Variants in GRIP1 observed in about 807,000 individuals in gnomAD.
The protein encoded by GRIP1 is glutamate receptor interacting protein 1, also known as glutamate receptor-interacting protein 1.
In GRIP1, 45 loss-of-function variants were observed where a neutral mutation model predicts 129.9. That is an observed-to-expected ratio of 0.35 (90% CI 0.27 to 0.44). The LOEUF (loss-of-function observed/expected upper bound fraction) is 0.44, where lower values mean the gene tolerates loss of function less well. Ranked by LOEUF, GRIP1 falls within the 20% of genes least tolerant of loss-of-function variation. The pLI is 1.00. For synonymous variants in GRIP1, 530 were observed against 520.8 expected (o/e 1.02, Z -0.24); for missense variants, 1,196 against 1,396.8 (o/e 0.86, Z 2.29).
At chr12:66,825,521 C>T (rs1377867274) in intron 1 of GRIP1, among the ~76,000 whole-genome samples, 2 of 152,140 alleles carry the variant, frequency 1.3e-5, no homozygotes, top group African/African-American at 4.8e-5. Flanking sequence ...TCCTACTTTG[C>T]CCAATGACTA....
At chr12:66,872,522 C>T (rs73331145) in intron 1 of GRIP1, among the ~76,000 whole-genome samples, 6,909 of 151,932 alleles carry the variant, frequency 0.045, 538 homozygotes, top group African/African-American at 0.16. Context: ...TTTCTTTCAA[C>T]TAAAAATCTG....
intron 19 of GRIP1, among the ~76,000 whole-genome samples, chr12:66,388,338 AT>A (rs2056442651): frequency 1.3e-5 from 2 of 152,210 alleles, no homozygotes; most frequent in South Asian, 4.1e-4. Flanking sequence ...GAGAAAACAA[AT>A]GATCAAAATG....
intron 1 of GRIP1, among the ~76,000 whole-genome samples, chr12:67,067,455 C>A (rs942755583): frequency 6.6e-6 from 1 of 151,952 alleles, no homozygotes; most frequent in Non-Finnish European, 1.5e-5. Context: ...GTGCTTTTAC[C>A]TGGTTATAAA....
chr12:66,423,905 A>G (rs1197997978), intron 14 of GRIP1, among the ~76,000 whole-genome samples: 3 of 152,190 alleles, frequency 2.0e-5, no homozygotes, highest in African/African-American at 7.2e-5. Flanking sequence ...AAACTCCTTG[A>G]AATTTCAGCT....
intron 1 of GRIP1, among the ~76,000 whole-genome samples, chr12:66,700,011 A>G (rs957934124): frequency 2.1e-4 from 32 of 152,178 alleles, no homozygotes; most frequent in Middle Eastern, 3.2e-3. Flanking sequence ...ATCATGCAGC[A>G]AGGCAGGGAG....
upstream of GRIP1, among the ~76,000 whole-genome samples, chr12:66,682,914 T>C (rs1670154673): frequency 6.6e-6 from 1 of 152,202 alleles, no homozygotes; most frequent in Non-Finnish European, 1.5e-5. Flanking sequence ...ATCCCATTTA[T>C]TTGCTTATTC....
chr12:66,378,353 A>T (rs567850584), intron 20 of GRIP1, among the ~76,000 whole-genome samples: 1 of 152,300 alleles, frequency 6.6e-6, no homozygotes, highest in South Asian at 2.1e-4. Context: ...TCGGGGGTCT[A>T]AGGCAGGAGA....
chr12:66,612,536 C>T (rs1592646638), intron 1 of GRIP1, among the ~76,000 whole-genome samples: 1 of 152,194 alleles, frequency 6.6e-6, no homozygotes, highest in East Asian at 1.9e-4. Context: ...ACTTGGGAAG[C>T]TGTGGTGGGA....
intron 5 of GRIP1, among the ~76,000 whole-genome samples, chr12:66,524,378 T>C (rs2061145606): frequency 6.6e-6 from 1 of 152,050 alleles, no homozygotes; most frequent in African/African-American, 2.4e-5. Context: ...AGAAACTCAC[T>C]CAAAACCACT....
intron 14 of GRIP1, among the ~76,000 whole-genome samples, chr12:66,423,125 T>C (rs1249647067): frequency 6.6e-6 from 1 of 152,190 alleles, no homozygotes; most frequent in Admixed American, 6.5e-5. Flanking sequence ...CAATATGGTG[T>C]CATGATTGAG....
chr12:66,953,566 T>C (rs2041793864), intron 1 of GRIP1, among the ~76,000 whole-genome samples: 1 of 152,196 alleles, frequency 6.6e-6, no homozygotes, highest in Non-Finnish European at 1.5e-5. Flanking sequence ...ATCTGGAAAA[T>C]ATAAATTCTG....
chr12:66,914,851 T>C (rs181230742), intron 1 of GRIP1, among the ~76,000 whole-genome samples: 363 of 152,306 alleles, frequency 2.4e-3, no homozygotes, highest in African/African-American at 8.3e-3. Context: ...AAGCCAGGCA[T>C]GGTGGTGCAT....
chr12:66,541,902 G>A lies in GRIP1; in HGVS notation c.185C>T (p.Thr62Ile). 4 of 1,613,902 alleles carry A rather than the reference G, an allele frequency of 2.5e-6. No individual in the cohort carries two copies. The highest frequency in any genetic ancestry group is 1.7e-5 in the Admixed American group (1 of 60,026). The change falls in exon 3 of 25, where the codon ACT (threonine) becomes ATT (isoleucine). Residue 62 changes from threonine (T) to isoleucine (I), a missense_variant. By Grantham distance (89) the Thr-to-Ile change is moderately conservative. Coordinates refer to ENST00000359742, the MANE Select transcript of GRIP1 (RefSeq NM_001366722.1). ...TVVELMKKEGTTLGLTVSGGI... is the reference protein window; with the variant it reads ...TVVELMKKEGITLGLTVSGGI... ...TCCCGATACCGTCAGACCCAGGGTAGTGCCTTCCTTCTTCATCAGCTCGAC... is the reference window on the plus strand; with the variant it reads ...TCCCGATACCGTCAGACCCAGGGTAATGCCTTCCTTCTTCATCAGCTCGAC...
Position 66,463,033 on chromosome 12 carries a change from G to A in GRIP1, c.933C>T (p.Tyr311=). 6 of 1,613,688 alleles carry A rather than the reference G, an allele frequency of 3.7e-6. No homozygotes were observed. The highest frequency in any genetic ancestry group is 5.1e-6 in the Non-Finnish European group (6 of 1,179,652). The change falls in exon 9 of 25, where the codon TAC becomes TAT. Residue 311 remains tyrosine (Y), a synonymous_variant. Transcript: ENST00000359742. ...ACTGGGTTGCTTCTGCAAGTGTACA[G>A]TACTCCATGCTGGTTCCATCGATGG... ...ILSIDGTSME[Y]CTLAEATQFL...
chr12:66,524,596 C>T (rs927443463), intron 5 of GRIP1, among the ~76,000 whole-genome samples: 57 of 151,996 alleles, frequency 3.8e-4, no homozygotes, highest in African/African-American at 1.3e-3. Context: ...AAAATTGACA[C>T]CCTAACATCA....
Position 67,057,447 on chromosome 12 carries a change from A to G in GRIP1, c.58+11603T>C, listed in dbSNP as rs1003530385. ...ACCCTCCAAGAACGTAAAAAAAAAAAAAAAAAAACTCCTGTTGTTTAAGCA... is the reference window on the plus strand; with the variant it reads ...ACCCTCCAAGAACGTAAAAAAAAAAGAAAAAAAACTCCTGTTGTTTAAGCA... On this transcript the variant is annotated intron_variant, in intron 1 of 1. Transcript: ENST00000643019. Among the ~76,000 whole-genome samples the G allele has an allele frequency of 1.7e-4, 26 of 152,040 alleles. No individual in the cohort carries two copies. In the East Asian group the frequency reaches 5.0e-3, roughly 29 times the overall value.
chr12:66,811,393 T>G (rs927434594), intron 1 of GRIP1, among the ~76,000 whole-genome samples: 19 of 152,242 alleles, frequency 1.2e-4, no homozygotes, highest in Middle Eastern at 3.2e-3. Flanking sequence ...AGAGTTGGAC[T>G]AGAAAGTCTC....
At chr12:66,511,629 A>G (rs1367813266) in intron 7 of GRIP1, among the ~76,000 whole-genome samples, 2 of 152,126 alleles carry the variant, frequency 1.3e-5, no homozygotes, top group Non-Finnish European at 2.9e-5. Flanking sequence ...GCCCCAAGCT[A>G]AATCATTAAG....
intron 1 of GRIP1, among the ~76,000 whole-genome samples, chr12:66,968,294 T>C (rs2042025152): frequency 6.6e-6 from 1 of 152,198 alleles, no homozygotes; most frequent in Non-Finnish European, 1.5e-5. Context: ...GTTAACATAC[T>C]GTATAATTCT....
Sources: allele counts gnomAD v4.1 joint callset (sites outside exome capture counted in the v4.1 genomes callset), GRCh38; gene constraint gnomAD v4.1.1; transcripts MANE v1.5; gene names NCBI Gene and HGNC (gene_info 2026-07-23, HGNC 2026-07-21).